The following RARB variants were observed in gnomAD, a reference collection of about 807,000 sequenced individuals.
RARB encodes HBV-activated protein.
A neutral mutation model predicts 51.9 loss-of-function variants in RARB; 17 were observed. The observed-to-expected ratio is 0.33, with a 90% CI of 0.22 to 0.49. RARB has a LOEUF of 0.49. Ranked by LOEUF, RARB falls within the 20% of genes least tolerant of loss-of-function variation. The pLI, the probability that RARB is intolerant of heterozygous loss-of-function variation, is 0.99. For missense variants in RARB, 369 were observed against 550.8 expected (o/e 0.67, Z 3.30); for synonymous variants, 215 against 195.4 (o/e 1.10, Z -0.84).
chr3:25,359,001 A>T (rs540148874), intron 5 of RARB, among the ~76,000 whole-genome samples: 3 of 151,596 alleles, frequency 2.0e-5, no homozygotes, highest in Non-Finnish European at 4.4e-5. Context: ...TCATAAAATG[A>T]GTTAGAGAGG....
intron 5 of RARB, among the ~76,000 whole-genome samples, chr3:25,359,873 C>A (rs1044954253): frequency 2.0e-5 from 3 of 152,148 alleles, no homozygotes; most frequent in Admixed American, 6.5e-5. Context: ...TTTGCATTTG[C>A]TGAGGAATGT....
intron 2 of RARB, among the ~76,000 whole-genome samples, chr3:24,940,704 A>G (rs1258533708): frequency 6.6e-6 from 1 of 152,130 alleles, no homozygotes; most frequent in Non-Finnish European, 1.5e-5. Context: ...AAAGGCATGG[A>G]CCATAGACTC....
chr3:25,188,147 T>A (rs571963880), intron 5 of RARB, among the ~76,000 whole-genome samples: 70 of 152,114 alleles, frequency 4.6e-4, no homozygotes, highest in Non-Finnish European at 9.1e-4. Context: ...CATGTGGGTT[T>A]AGGACAAATT....
intron 2 of RARB, among the ~76,000 whole-genome samples, chr3:24,921,969 A>T (rs1425106447): frequency 2.0e-5 from 3 of 152,182 alleles, no homozygotes; most frequent in African/African-American, 7.2e-5. Context: ...TCCCTCACAG[A>T]TCTCAGCGGA....
At chr3:25,155,736 T>C (rs1443928079) in intron 4 of RARB, among the ~76,000 whole-genome samples, 1 of 152,218 alleles carries the variant, frequency 6.6e-6, no homozygotes, top group African/African-American at 2.4e-5. Context: ...CACATGACTG[T>C]TGATGGCTGG....
intron 5 of RARB, among the ~76,000 whole-genome samples, chr3:25,359,273 T>G (rs1355676066): frequency 6.6e-6 from 1 of 152,206 alleles, no homozygotes; most frequent in Non-Finnish European, 1.5e-5. Context: ...TGCATAGAGG[T>G]GTTTATAGTA....
In RARB at chr3:25,387,874, GAA is replaced by G. The variant is rs762671160; in HGVS notation, c.179-73308_179-73307del. ...ATCCCAGCTTTATCCTTAGGGAATA[GAA>G]AAAAAAAAAAGAGCATTAAATGTTT... is the stretch of plus-strand genomic sequence containing the variant. On this transcript the variant is annotated intron_variant, in intron 5 of 11. Coordinates refer to the RARB transcript ENST00000383772. 3.0e-3 allele frequency among the ~76,000 whole-genome samples: 424 copies of G among 139,624 alleles called. 4 individuals carry two copies. Among genetic ancestry groups the G allele is most frequent in the African/African-American group, 9.4e-3 (361 of 38,302 alleles). 91.6% of individuals were successfully genotyped at this position (139,624 alleles called of 152,430 possible). A position where few individuals can be genotyped will look rare whatever the true frequency, so the allele number is the denominator to read the frequency against.
chr3:25,501,532 G>A (rs569306149), intron 3 of RARB, among the ~76,000 whole-genome samples: 27 of 152,322 alleles, frequency 1.8e-4, no homozygotes, highest in Admixed American at 9.8e-4. Context: ...GTTAGGCGTC[G>A]TGGATGTCAG....
At chr3:24,937,828 TAA>T (rs1216457801) in intron 2 of RARB, among the ~76,000 whole-genome samples, 1 of 152,034 alleles carries the variant, frequency 6.6e-6, no homozygotes, top group African/African-American at 2.4e-5. Flanking sequence ...ACTTTAAAAA[TAA>T]AGAGATTTTA....
rs544020938 is a variant in RARB, at chr3:25,386,370, C to T, written c.179-74823C>T. Among the ~76,000 whole-genome samples the T allele has an allele frequency of 3.3e-5, 5 of 152,158 alleles. No homozygotes were observed. In the South Asian group the frequency reaches 1.0e-3, roughly 32 times the overall value. Reference sequence around the variant, plus strand: ...GTTAACAGGAGCTAGCATGGGAGGGCCTTGTAAGTCTATGTCAAGAAGTGG... The same window carrying T: ...GTTAACAGGAGCTAGCATGGGAGGGTCTTGTAAGTCTATGTCAAGAAGTGG... On this transcript the variant is annotated intron_variant, in intron 5 of 11. Coordinates refer to the RARB transcript ENST00000383772.
Position 25,475,100 on chromosome 3 carries a change from G to T in RARB, c.306+13759G>T, listed in dbSNP as rs66852512. Reference sequence around the variant, plus strand: ...CAGGCACTTCTTTTGCTATGCTCACGTGTATGATGTTTGCTGTTAGAGAGT... The same window carrying T: ...CAGGCACTTCTTTTGCTATGCTCACTTGTATGATGTTTGCTGTTAGAGAGT... On this transcript the variant is annotated intron_variant, in intron 2 of 7. Transcript: ENST00000330688. Among the ~76,000 whole-genome samples the T allele has an allele frequency of 2.2e-4, 33 of 152,158 alleles. 2 individuals are homozygous for T. The highest frequency in any genetic ancestry group is 2.0e-3 in the Admixed American group (30 of 15,288).
chr3:25,429,791 G>A (rs1380730536), intron 1 of RARB, among the ~76,000 whole-genome samples: 2 of 152,234 alleles, frequency 1.3e-5, no homozygotes, highest in Non-Finnish European at 2.9e-5. Context: ...CCACCTTCGG[G>A]TGGCTGTAGT....
At chr3:25,578,540 C>G (rs1459776307) in intron 4 of RARB, among the ~76,000 whole-genome samples, 2 of 152,196 alleles carry the variant, frequency 1.3e-5, no homozygotes, top group East Asian at 3.9e-4. Flanking sequence ...ACTCTCCGTC[C>G]CTCTCTTCCG....
At chr3:25,371,810 A>G (rs555793136) in intron 5 of RARB, among the ~76,000 whole-genome samples, 1 of 152,382 alleles carries the variant, frequency 6.6e-6, no homozygotes, top group South Asian at 2.1e-4. Flanking sequence ...CTAACAATAT[A>G]TAAATAATAG....
At chr3:25,079,768 GCTCAA>G (rs1698954266) in intron 3 of RARB, among the ~76,000 whole-genome samples, 1 of 152,006 alleles carries the variant, frequency 6.6e-6, no homozygotes, top group South Asian at 2.1e-4. Flanking sequence ...ATATTGCTGG[GCTCAA>G]TTTGCTAAAG....
intron 3 of RARB, among the ~76,000 whole-genome samples, chr3:25,559,200 C>G (rs145081491): frequency 3.2e-4 from 49 of 152,300 alleles, no homozygotes; most frequent in Non-Finnish European, 6.5e-4. Flanking sequence ...TGTCTCCTAG[C>G]CTCTCTAAGC....
chr3:24,946,958 A>T (rs1695788711), intron 2 of RARB, among the ~76,000 whole-genome samples: 2 of 152,224 alleles, frequency 1.3e-5, no homozygotes, highest in Admixed American at 1.3e-4. Flanking sequence ...CCTAATTAAA[A>T]ATTAGTGCCA....
At chr3:25,591,378 G>A (rs1453916730) in intron 5 of RARB, among the ~76,000 whole-genome samples, 1 of 152,176 alleles carries the variant, frequency 6.6e-6, no homozygotes, top group Non-Finnish European at 1.5e-5. Context: ...GCAGTTATGT[G>A]CTGCACAAAA....
At chr3:25,514,030 G>C (rs1248328506) in intron 3 of RARB, among the ~76,000 whole-genome samples, 1 of 152,224 alleles carries the variant, frequency 6.6e-6, no homozygotes, top group Non-Finnish European at 1.5e-5. Context: ...ATAGCTGGCA[G>C]AGAGCCCTTT....
Sources: allele counts gnomAD v4.1 joint callset (sites outside exome capture counted in the v4.1 genomes callset), GRCh38; gene constraint gnomAD v4.1.1; transcripts MANE v1.5; gene names NCBI Gene and HGNC (gene_info 2026-07-23, HGNC 2026-07-21).